Variants in PUS7L observed in about 807,000 individuals in gnomAD.
The protein encoded by PUS7L is pseudouridine synthase 7 like.
Under a neutral mutation model 51.1 loss-of-function variants are expected in PUS7L, and 49 were observed. The observed-to-expected ratio is 0.96, with a 90% confidence interval of 0.76 to 1.22. The LOEUF (loss-of-function observed/expected upper bound fraction) is 1.22. Ranked by LOEUF, PUS7L falls within the 50% of genes most tolerant of loss-of-function variation. The probability of loss-of-function intolerance (pLI) is 0.00; values close to 1 mark genes in which losing one functional copy is unlikely to be tolerated. For synonymous variants in PUS7L, 277 were observed against 276.2 expected (o/e 1.00, Z -0.03); for missense variants, 828 against 820.6 (o/e 1.01, Z -0.11).
chr12:43,741,474 A>G (rs1222201888), intron 5 of PUS7L, among the ~76,000 whole-genome samples: 1 of 152,254 alleles, frequency 6.6e-6, no homozygotes, highest in African/African-American at 2.4e-5. Flanking sequence ...AACACATGTG[A>G]CAAATGGCAG....
chr12:43,758,743 A>C lies in PUS7L; in HGVS notation c.-30T>G. The stretch of plus-strand genomic sequence containing the variant: ...GACCCCGTCTACCTCGGTTCAGTGG[A>C]AGGCATTCATTTGCACAACGCTGTG... On this transcript the variant is annotated 5_prime_UTR_variant, in exon 1 of 9. Coordinates refer to ENST00000344862, the MANE Select transcript of PUS7L (RefSeq NM_031292.5). The C allele has an allele frequency of 1.0e-6, 1 of 979,572 alleles. No homozygotes were observed. Among genetic ancestry groups the C allele is most frequent in the Non-Finnish European group, 1.2e-6 (1 of 828,718 alleles). The allele number at this position is 979,572 out of a possible 1,614,324, so 60.7% of individuals were successfully genotyped here.
chr12:43,745,282 T>C (rs1938109153), intron 4 of PUS7L, among the ~76,000 whole-genome samples: 1 of 152,234 alleles, frequency 6.6e-6, no homozygotes, highest in African/African-American at 2.4e-5. Flanking sequence ...TTTTTTACTG[T>C]AAAACATAAA....
At chr12:43,742,598 C>A (rs752948275) in intron 4 of PUS7L, 43 bp from the exon 5 acceptor site, 2 of 1,506,140 alleles carry the variant, frequency 1.3e-6, no homozygotes, top group Non-Finnish European at 1.8e-6. Context: ...TATATAAATA[C>A]AATTATGTGT....
Position 43,730,638 on chromosome 12 carries a change from T to C in PUS7L, c.1844A>G (p.His615Arg). 2.5e-6 allele frequency: 4 copies of C among 1,613,690 alleles called. No homozygotes were observed. Among genetic ancestry groups the C allele is most frequent in the South Asian group, 1.1e-5 (1 of 91,066 alleles). Residue 615 changes from histidine (H) to arginine (R), a missense_variant, in exon 9 of 9, where the codon CAT becomes CGT. Coordinates refer to ENST00000344862, the MANE Select transcript of PUS7L (RefSeq NM_031292.5). ...TAGTCCATCTCTGCTAAGTATGTCATGGTACCACTGCCCTACTTTGTTCTT... is the reference window on the plus strand; with the variant it reads ...TAGTCCATCTCTGCTAAGTATGTCACGGTACCACTGCCCTACTTTGTTCTT... ...YPKNKVGQWY[H>R]DILSRDGLQT... is the part of the protein sequence containing the mutation.
chr12:43,735,470 A>T (rs1309660042), intron 7 of PUS7L, among the ~76,000 whole-genome samples: 1 of 152,110 alleles, frequency 6.6e-6, no homozygotes, highest in East Asian at 1.9e-4. Context: ...TTAAGAGGAA[A>T]TTATGAATCA....
At chr12:43,736,757 T>C in intron 6 of PUS7L, 96 bp from the exon 7 acceptor site, 2 of 1,096,470 alleles carry the variant, frequency 1.8e-6, no homozygotes, top group Non-Finnish European at 2.7e-6. Flanking sequence ...GCAATGAACA[T>C]GGGTATTAAG....
At chr12:43,737,015 AT>A (rs1332540018) in intron 6 of PUS7L, among the ~76,000 whole-genome samples, 1 of 152,228 alleles carries the variant, frequency 6.6e-6, no homozygotes, top group African/African-American at 2.4e-5. Flanking sequence ...AAATAATTTA[AT>A]TGCTGAGCTA....
rs530962051 is a variant in PUS7L, at chr12:43,730,681, A to G, written c.1801T>C (p.Tyr601His). 137 of 1,602,834 alleles carry G rather than the reference A, an allele frequency of 8.5e-5. 1 individual carries two copies. The South Asian group carries it at 1.4e-3, about 17-fold the overall frequency. The stretch of plus-strand genomic sequence containing the variant: ...TTGTTCTTCGGGTACTGAATATTGT[A>G]TCCAAGTACTGGAAGAACCACCTGT... Reference protein sequence around the residue: ...IHQVVLPVLGYNIQYPKNKVG... With the variant: ...IHQVVLPVLGHNIQYPKNKVG... The change falls in exon 9 of 9, where the codon TAC (tyrosine) becomes CAC (histidine). Residue 601 changes from tyrosine to histidine, a missense_variant. By Grantham distance (83) the Tyr-to-His change is moderately conservative. Transcript: ENST00000344862.
chr12:43,736,594 TGCC>T lies in PUS7L; in HGVS notation c.1509_1511del (p.Ala504del), dbSNP rs1335069103. 1 of 1,614,204 alleles carries T rather than the reference TGCC, an allele frequency of 6.2e-7. No homozygotes were observed. Among genetic ancestry groups the T allele is most frequent in the African/African-American group, 1.3e-5 (1 of 75,046 alleles). On this transcript the variant is annotated inframe_deletion, in exon 7 of 9. Transcript: ENST00000344862. ...CCTCGGTCATGCCAAAGCGGTGCAA[TGCC>T]TCCAACAATGCTCTCTCACGCACTT... is the stretch of plus-strand genomic sequence containing the variant.
rs1376638433 is a variant in PUS7L, at chr12:43,731,715, G to A, written c.1769C>T (p.Ala590Val). ...TEEEGSANMY[A>V]IHQVVLPVLG... ...TTTAAGCAAATTTACCTGATGTATT[G>A]CATACATATTAGCTGATCCCTCCTC... The change falls in exon 8 of 9, where the codon GCA (alanine) becomes GTA (valine). Residue 590 changes from alanine (A) to valine (V), a missense_variant. By Grantham distance (64) the Ala-to-Val change is moderately conservative. Transcript: ENST00000344862. 1.3e-6 allele frequency: 2 copies of A among 1,566,556 alleles called. No individual in the cohort carries two copies. Among genetic ancestry groups the A allele is most frequent in the South Asian group, 1.1e-5 (1 of 87,914 alleles).
At chr12:43,758,652 T>TGGGGCG in intron 1 of PUS7L, 78 bp downstream of exon 1, 2 of 708,238 alleles carry the variant, frequency 2.8e-6, no homozygotes, top group Non-Finnish European at 3.1e-6. Context: ...GCCAACCTCG[T>TGGGGCG]CACCCCCCCC....
At chr12:43,743,177 T>C (rs1937990020) in intron 4 of PUS7L, among the ~76,000 whole-genome samples, 1 of 152,168 alleles carries the variant, frequency 6.6e-6, no homozygotes, top group African/African-American at 2.4e-5. Context: ...ATACAGGCCA[T>C]GTTTTAAAAC....
Position 43,729,157 on chromosome 12 carries a change from T to C in PUS7L, c.*1219A>G, listed in dbSNP as rs1436991095. ...AGTTGATACACATCATTTTACTTAC[T>C]TTAGTTACGTAATGCTGGACTTTGA... On this transcript the variant is annotated 3_prime_UTR_variant, in exon 9 of 9. Transcript: ENST00000344862. 2 of 397,602 alleles carry C rather than the reference T, an allele frequency of 5.0e-6. No individual in the cohort carries two copies. The highest frequency in any genetic ancestry group is 8.9e-6 in the Non-Finnish European group (2 of 225,300). 24.6% of individuals were successfully genotyped at this position (397,602 alleles called of 1,614,324 possible).
rs761354887 is a variant in PUS7L at position 43,721,605 on chromosome 12, C to T, written c.*8771G>A. ...TAAAGATCAATGCTCTTGAATAATT[C>T]ACAGTAGATGATCCAGATATTTAAT... On this transcript the variant is annotated 3_prime_UTR_variant, in exon 9 of 9. Transcript: ENST00000344862. 6.6e-6 allele frequency: 1 copy of T among 152,108 alleles called. No homozygotes were observed. The highest frequency in any genetic ancestry group is 2.4e-5 in the African/African-American group (1 of 41,412). The allele number at this position is 152,108 out of a possible 1,614,324, so 9.4% of individuals were successfully genotyped here. A position where few individuals can be genotyped will look rare whatever the true frequency, so the allele number is the denominator to read the frequency against.
At chr12:43,731,145 A>C (rs1164157151) in intron 8 of PUS7L, among the ~76,000 whole-genome samples, 1 of 152,138 alleles carries the variant, frequency 6.6e-6, no homozygotes, top group Non-Finnish European at 1.5e-5. Flanking sequence ...CAACACATTC[A>C]ATGTTTATTT....
chr12:43,742,490 G>A lies in PUS7L; in HGVS notation c.1329C>T (p.Asp443=), dbSNP rs199562667. ...TCTTCAGCAAAGCTAGTCCAATTTG[G>A]TCTGTGTGAACTTTCCTTCCCTTCC... The part of the protein sequence containing the change: ...RFGKGRKVHT[D]QIGLALLKNE... Residue 443 remains aspartate, a synonymous_variant, in exon 5 of 9, where the codon GAC becomes GAT. Coordinates refer to ENST00000344862, the MANE Select transcript of PUS7L (RefSeq NM_031292.5). 2.7e-5 allele frequency: 43 copies of A among 1,609,122 alleles called. No homozygotes were observed. The highest frequency in any genetic ancestry group is 3.6e-5 in the Non-Finnish European group (42 of 1,178,136).
At chr12:43,751,208 A>G (rs1467515817) in intron 2 of PUS7L, among the ~76,000 whole-genome samples, 3 of 150,086 alleles carry the variant, frequency 2.0e-5, no homozygotes, top group Non-Finnish European at 4.4e-5. Context: ...ATATATATAT[A>G]TTATTATACT....
At chr12:43,737,863 A>C (rs1162061646) in intron 6 of PUS7L, 3 of 161,182 alleles carry the variant, frequency 1.9e-5, no homozygotes, top group Non-Finnish European at 4.1e-5. Context: ...TTCTATATGT[A>C]TTCCATCATA....
intron 2 of PUS7L, among the ~76,000 whole-genome samples, chr12:43,752,574 C>T (rs1938506140): frequency 6.6e-6 from 1 of 152,196 alleles, no homozygotes; most frequent in Admixed American, 6.5e-5. Flanking sequence ...GAAATTCTAA[C>T]ACATGCTACA....
Sources: gnomAD v4.1 joint callset for allele counts (sites outside exome capture counted in the v4.1 genomes callset) on GRCh38, gnomAD v4.1.1 for gene constraint, MANE v1.5 for transcripts, NCBI Gene and HGNC (gene_info 2026-07-23, HGNC 2026-07-21) for gene names.